ADD3: variants seen among roughly 807,000 people sequenced by gnomAD.
ADD3 encodes gamma-adducin.
A neutral mutation model predicts 80.2 loss-of-function variants in ADD3; 25 were observed. That is an observed-to-expected ratio of 0.31 (90% CI 0.23 to 0.44). The LOEUF (loss-of-function observed/expected upper bound fraction) is 0.44. Among genes scored for constraint, ADD3 ranks in the 20% least tolerant of loss-of-function variants. The probability of loss-of-function intolerance (pLI) is 1.00; values close to 1 mark genes in which losing one functional copy is unlikely to be tolerated. For synonymous variants in ADD3, 284 were observed against 289.6 expected (o/e 0.98, Z 0.20); for missense variants, 829 against 847.5 (o/e 0.98, Z 0.27).
intron 5 of ADD3, among the ~76,000 whole-genome samples, chr10:110,118,075 A>ACACACACAC (rs1260978416): frequency 7.7e-6 from 1 of 129,818 alleles, no homozygotes; most frequent in Admixed American, 8.1e-5. Context: ...CACACACACA[A>ACACACACAC]TGTTCATAGC....
intron 1 of ADD3, among the ~76,000 whole-genome samples, chr10:110,011,861 G>A (rs1852374754): frequency 6.6e-6 from 1 of 152,178 alleles, no homozygotes; most frequent in African/African-American, 2.4e-5. Context: ...TTGTTATGAG[G>A]TCTTTCAGGT....
chr10:110,039,619 A>G (rs575093119), intron 1 of ADD3, among the ~76,000 whole-genome samples: 100 of 152,374 alleles, frequency 6.6e-4, no homozygotes, highest in Non-Finnish European at 1.3e-3. Context: ...CTATTGCTAC[A>G]TAACAAATTA....
At chr10:110,121,597 C>T (rs980022330) in intron 8 of ADD3, among the ~76,000 whole-genome samples, 9 of 152,168 alleles carry the variant, frequency 5.9e-5, no homozygotes, top group Non-Finnish European at 1.0e-4. Context: ...AAAACTTTTT[C>T]TACCAACATT....
At chr10:110,004,569 A>G (rs1292894698), upstream of ADD3, among the ~76,000 whole-genome samples, 1 of 151,774 alleles carries the variant, frequency 6.6e-6, no homozygotes, top group Non-Finnish European at 1.5e-5. Context: ...TCAGCCTCCC[A>G]AAGTGCTGGG....
At chr10:110,025,887 T>G (rs1219397157) in intron 1 of ADD3, among the ~76,000 whole-genome samples, 2 of 152,320 alleles carry the variant, frequency 1.3e-5, no homozygotes. Flanking sequence ...GATTTGAGGC[T>G]TCTTTTCAAG....
chr10:110,050,643 G>C (rs994410289), intron 1 of ADD3, among the ~76,000 whole-genome samples: 2 of 151,632 alleles, frequency 1.3e-5, no homozygotes, highest in Admixed American at 1.3e-4. Flanking sequence ...CTTCCAAGTA[G>C]CTGGGATTAC....
intron 2 of ADD3, 80 bp downstream of exon 2, chr10:110,100,928 C>T (rs1055052157): frequency 5.1e-5 from 68 of 1,332,326 alleles, no homozygotes; most frequent in Admixed American, 2.9e-5. Flanking sequence ...TCTCAAACTA[C>T]CCTCAGGTTA....
intron 1 of ADD3, among the ~76,000 whole-genome samples, chr10:110,068,503 T>C (rs1844268849): frequency 2.0e-5 from 3 of 152,188 alleles, no homozygotes; most frequent in African/African-American, 7.2e-5. Flanking sequence ...TTTATGCAGA[T>C]ACCACTTCAT....
chr10:110,118,512 C>T, intron 5 of ADD3, 75 bp from the exon 6 acceptor site: 1 of 1,321,088 alleles, frequency 7.6e-7, no homozygotes, highest in Non-Finnish European at 1.1e-6. Flanking sequence ...GGTTTGCTAC[C>T]CCCTGGTTTA....
At chr10:110,046,654 G>C (rs951324994) in intron 1 of ADD3, among the ~76,000 whole-genome samples, 2 of 152,156 alleles carry the variant, frequency 1.3e-5, no homozygotes, top group African/African-American at 4.8e-5. Flanking sequence ...CTTTGGGGAA[G>C]TTGCTGAACT....
intron 2 of ADD3, among the ~76,000 whole-genome samples, 165 bp from the exon 3 acceptor site, chr10:110,112,612 C>G (rs1213221352): frequency 6.6e-6 from 1 of 152,166 alleles, no homozygotes; most frequent in Non-Finnish European, 1.5e-5. Flanking sequence ...CTTGCTGCTT[C>G]TTGCAGTGCT....
chr10:110,127,687 C>G (rs1852354787), intron 12 of ADD3, among the ~76,000 whole-genome samples: 2 of 152,336 alleles, frequency 1.3e-5, no homozygotes, highest in African/African-American at 4.8e-5. Flanking sequence ...GGTAATCTCT[C>G]TGTTCCAGCC....
intron 1 of ADD3, among the ~76,000 whole-genome samples, chr10:110,035,311 C>T (rs1175587618): frequency 1.3e-5 from 2 of 152,216 alleles, no homozygotes; most frequent in African/African-American, 4.8e-5. Flanking sequence ...CCTTTCCACC[C>T]TCTGCTCTAT....
intron 1 of ADD3, among the ~76,000 whole-genome samples, chr10:110,035,771 T>G (rs1003932143): frequency 7.3e-6 from 1 of 136,118 alleles, no homozygotes; most frequent in Non-Finnish European, 1.5e-5. Flanking sequence ...GTGTTACTAT[T>G]GGTTTGAGAC....
At chr10:110,090,268 G>A (rs1847329711) in intron 1 of ADD3, among the ~76,000 whole-genome samples, 1 of 141,870 alleles carries the variant, frequency 7.0e-6, no homozygotes, top group African/African-American at 2.7e-5. Flanking sequence ...CGCCCAGGCT[G>A]GAGTGCAGTG....
intron 1 of ADD3, among the ~76,000 whole-genome samples, chr10:110,080,683 C>A (rs889422078): frequency 1.3e-5 from 2 of 152,040 alleles, no homozygotes; most frequent in African/African-American, 4.8e-5. Flanking sequence ...TCAGTGAGTC[C>A]GACCATTCAG....
chr10:110,073,138 C>CTTTTTTTTTTTTTTTTTTTT (rs1189793476), intron 1 of ADD3, among the ~76,000 whole-genome samples: 2 of 94,216 alleles, frequency 2.1e-5, no homozygotes, highest in Non-Finnish European at 4.3e-5. Flanking sequence ...TTTTAGTTTT[C>CTTTTTTTTTTTTTTTTTTTT]TTTTTTTTTT....
chr10:110,069,195 T>C (rs1228821484), intron 1 of ADD3, among the ~76,000 whole-genome samples: 2 of 152,228 alleles, frequency 1.3e-5, no homozygotes, highest in Admixed American at 1.3e-4. Context: ...TACCTTAATT[T>C]TTCCATTTTA....
At chr10:110,042,491 T>C (rs1856481552) in intron 1 of ADD3, among the ~76,000 whole-genome samples, 1 of 152,088 alleles carries the variant, frequency 6.6e-6, no homozygotes, top group Non-Finnish European at 1.5e-5. Flanking sequence ...TGAGAAATAA[T>C]CTTAAATCTT....
Sources: gnomAD v4.1 joint callset for allele counts (sites outside exome capture counted in the v4.1 genomes callset) on GRCh38, gnomAD v4.1.1 for gene constraint, MANE v1.5 for transcripts, NCBI Gene and HGNC (gene_info 2026-07-23, HGNC 2026-07-21) for gene names.